The following KCTD19 variants were observed in gnomAD, a reference collection of about 807,000 sequenced individuals.
The protein encoded by KCTD19 is BTB/POZ domain-containing protein KCTD19.
Under a neutral mutation model 103.5 loss-of-function variants are expected in KCTD19, and 67 were observed. The observed-to-expected ratio is 0.65, with a 90% CI of 0.53 to 0.79. KCTD19 has a LOEUF of 0.79. Ranked by LOEUF, KCTD19 falls within the 30% of genes least tolerant of loss-of-function variation. The pLI, the probability that KCTD19 is intolerant of heterozygous loss-of-function variation, is 0.00. For synonymous variants in KCTD19, 439 were observed against 452.2 expected (o/e 0.97, Z 0.37); for missense variants, 980 against 1,136.1 (o/e 0.86, Z 1.98).
At chr16:67,318,332 C>G (rs1009411309) in intron 2 of KCTD19, among the ~76,000 whole-genome samples, 5 of 151,988 alleles carry the variant, frequency 3.3e-5, no homozygotes, top group Admixed American at 6.6e-5. Flanking sequence ...GAGGCCAAGG[C>G]GGGAGGATCG....
chr16:67,325,440 C>T lies in KCTD19; in HGVS notation c.3+1265G>A, dbSNP rs554787979. On this transcript the variant is annotated intron_variant, in intron 1 of 15. Coordinates refer to ENST00000304372, the MANE Select transcript of KCTD19 (RefSeq NM_001100915.3). Reference sequence around the variant, plus strand: ...TGTATTTTTAGTAGAGATGGGGTTTCACTGTGTTAGCCAGGATGGTCTCGA... The same window carrying T: ...TGTATTTTTAGTAGAGATGGGGTTTTACTGTGTTAGCCAGGATGGTCTCGA... Among the ~76,000 whole-genome samples the T allele has an allele frequency of 1.3e-4, 19 of 149,490 alleles. No individual in the cohort carries two copies. In the East Asian group the frequency reaches 3.7e-3, roughly 29 times the overall value.
chr16:67,304,427 A>T lies in KCTD19; in HGVS notation c.445T>A (p.Phe149Ile), dbSNP rs2036869491. Reference protein sequence around the residue: ...PSEFPIKSPAFTGLHDKAPLG... With the variant: ...PSEFPIKSPAITGLHDKAPLG... ...ACAGCCTATCCCAATTCACCTGTAA[A>T]GGCTGGGCTTTTAATTGGAAATTCT... The change falls in exon 3 of 16, where the codon TTT becomes ATT. Residue 149 changes from phenylalanine (F) to isoleucine (I), a missense_variant. Physicochemically the swap from Phe to Ile is conservative, Grantham distance 21. Coordinates refer to ENST00000304372, the MANE Select transcript of KCTD19 (RefSeq NM_001100915.3). 6.2e-7 allele frequency: 1 copy of T among 1,613,924 alleles called. No homozygotes were observed. Among genetic ancestry groups the T allele is most frequent in the Non-Finnish European group, 8.5e-7 (1 of 1,179,846 alleles).
rs527266432 is a variant in KCTD19 at position 67,290,904 on chromosome 16, C to T, written c.2648G>A (p.Arg883His). The change falls in exon 15 of 16, where the codon CGC becomes CAC. Residue 883 changes from arginine (R) to histidine (H), a missense_variant. Arg to His is a conservative substitution (Grantham distance 29). Transcript: ENST00000304372. Reference sequence around the variant, plus strand: ...CCTCACCTCCACCCAGCTGTACAGGCGCTCCTGGGTGTGCCGGTCATCCTT... The same window carrying T: ...CCTCACCTCCACCCAGCTGTACAGGTGCTCCTGGGTGTGCCGGTCATCCTT... Reference protein sequence around the residue: ...GFKDDRHTQERLYSWVELTLP... With the variant: ...GFKDDRHTQEHLYSWVELTLP... 1.5e-5 allele frequency: 24 copies of T among 1,613,562 alleles called. 1 individual carries two copies. In the East Asian group the frequency reaches 1.8e-4, roughly 12 times the overall value.
chr16:67,297,945 C>T (rs957224542), intron 6 of KCTD19, among the ~76,000 whole-genome samples: 3 of 151,978 alleles, frequency 2.0e-5, no homozygotes, highest in Non-Finnish European at 4.4e-5. Context: ...CACCCGCCAC[C>T]ACGCCTGGCT....
chr16:67,316,231 A>G (rs2037012572), intron 2 of KCTD19, among the ~76,000 whole-genome samples: 1 of 150,462 alleles, frequency 6.6e-6, no homozygotes, highest in Admixed American at 6.6e-5. Flanking sequence ...TTTTGTAGAG[A>G]CAGCTTTTGC....
intron 1 of KCTD19, chr16:67,321,773 G>A (rs904426891): frequency 6.6e-6 from 1 of 152,202 alleles, no homozygotes; most frequent in Non-Finnish European, 1.5e-5. Context: ...GGAGGTTCTA[G>A]CTAGGAAGAG....
chr16:67,326,606 G>A (rs760301440), intron 1 of KCTD19, 99 bp downstream of exon 1: 7 of 1,500,056 alleles, frequency 4.7e-6, no homozygotes, highest in Non-Finnish European at 6.2e-6. Context: ...CCATGCCCCA[G>A]AGCCAGGTCT....
intron 2 of KCTD19, chr16:67,305,743 C>A: frequency 3.0e-6 from 1 of 337,996 alleles, no homozygotes; most frequent in Non-Finnish European, 6.0e-6. Flanking sequence ...TTTAAAGGCA[C>A]CAGATCCTCA....
intron 2 of KCTD19, among the ~76,000 whole-genome samples, chr16:67,316,548 CTGAT>C (rs2037015229): frequency 6.6e-6 from 1 of 151,950 alleles, no homozygotes; most frequent in Non-Finnish European, 1.5e-5. Context: ...GTTTAAAAGA[CTGAT>C]TGAATAAACA....
intron 2 of KCTD19, among the ~76,000 whole-genome samples, chr16:67,314,830 T>TATATAGAGAGAG: frequency 3.0e-5 from 1 of 33,652 alleles, no homozygotes; most frequent in Non-Finnish European, 4.4e-5. Context: ...TATATATATA[T>TATATAGAGAGAG]AGAGAGAGAG....
intron 1 of KCTD19, among the ~76,000 whole-genome samples, chr16:67,325,351 T>A (rs755464175): frequency 7.9e-5 from 12 of 151,106 alleles, no homozygotes; most frequent in Non-Finnish European, 1.3e-4. Flanking sequence ...TAGCTGGGAC[T>A]ACAGGCGCCC....
rs1316727637 is a variant in KCTD19, at chr16:67,303,123, C to T, written c.643+23G>A. 1.9e-6 allele frequency: 1 copy of T among 516,536 alleles called. No individual in the cohort carries two copies. Among genetic ancestry groups the T allele is most frequent in the Non-Finnish European group, 3.5e-6 (1 of 282,944 alleles). The allele number at this position is 516,536 out of a possible 1,614,324, so 32.0% of individuals were successfully genotyped here. A position where few individuals can be genotyped will look rare whatever the true frequency, so the allele number is the denominator to read the frequency against. The stretch of plus-strand genomic sequence containing the variant: ...TGGGCCCTATCAGCCCGCCCCCCAC[C>T]CCACCCCGGACAGAGCAATCACCAA... On this transcript the variant is annotated intron_variant, in intron 4 of 15. Coordinates refer to ENST00000304372, the MANE Select transcript of KCTD19 (RefSeq NM_001100915.3). The surrounding 1 kb of genome is among the most constrained non-coding windows in gnomAD (Gnocchi z 4.3).
In KCTD19 at chr16:67,322,318, G is replaced by T. The variant is rs1192605131; in HGVS notation, c.4-1433C>A. ...AAAATCTTTTTTTTTTTTTTTTTGA[G>T]ACGGAGTCTCGCTGTATCACCCAGC... On this transcript the variant is annotated intron_variant, in intron 1 of 15. Transcript: ENST00000304372. Among the ~76,000 whole-genome samples, 7 of 140,070 alleles carry T rather than the reference G, an allele frequency of 5.0e-5. No individual in the cohort carries two copies. In the East Asian group the frequency reaches 1.4e-3, roughly 29 times the overall value. 91.9% of individuals were successfully genotyped at this position (140,070 alleles called of 152,430 possible).
intron 8 of KCTD19, 99 bp from the exon 9 acceptor site, chr16:67,295,504 C>G: frequency 8.6e-7 from 1 of 1,166,412 alleles, no homozygotes; most frequent in Non-Finnish European, 1.2e-6. Context: ...TACACTAGAG[C>G]AGAGGCTTTG....
rs747383996 is a variant in KCTD19 at position 67,297,681 on chromosome 16, C to G, written c.987-18G>C. ...GCCAGTTCCTGCCCAGAGGAAAGGT[C>G]TGTCATGAAGAACATCAGCATTGTA... On this transcript the variant is annotated intron_variant, in intron 6 of 15. Coordinates refer to ENST00000304372, the MANE Select transcript of KCTD19 (RefSeq NM_001100915.3). The G allele has an allele frequency of 1.9e-6, 3 of 1,612,304 alleles. No individual in the cohort carries two copies. Among genetic ancestry groups the G allele is most frequent in the South Asian group, 1.1e-5 (1 of 90,922 alleles).
chr16:67,319,211 G>A (rs932976002), intron 2 of KCTD19, among the ~76,000 whole-genome samples: 12 of 148,076 alleles, frequency 8.1e-5, no homozygotes, highest in African/African-American at 2.7e-4. Context: ...TAACAAGAGC[G>A]AAATTCCATC....
chr16:67,311,928 C>G (rs1461990706), intron 2 of KCTD19, among the ~76,000 whole-genome samples: 1 of 152,168 alleles, frequency 6.6e-6, no homozygotes, highest in African/African-American at 2.4e-5. Context: ...CATCCTCTTC[C>G]TTTCCAAGAT....
chr16:67,304,333 T>C, intron 3 of KCTD19, 88 bp downstream of exon 3: 1 of 1,322,774 alleles, frequency 7.6e-7, no homozygotes, highest in Non-Finnish European at 1.1e-6. Context: ...AGGCACTCTC[T>C]GCTCTCTGGA....
At position 67,290,167 on chromosome 16, in the gene KCTD19, C is replaced by CTT. The variant is rs11296444; in HGVS notation, c.2668-487_2668-486dup. 8.1e-4 allele frequency among the ~76,000 whole-genome samples: 56 copies of CTT among 69,294 alleles called. 1 individual carries two copies. Among genetic ancestry groups the CTT allele is most frequent in the South Asian group, 1.4e-3 (2 of 1,414 alleles). 45.5% of individuals were successfully genotyped at this position (69,294 alleles called of 152,430 possible). On this transcript the variant is annotated intron_variant, in intron 15 of 15. Transcript: ENST00000304372. ...TTCCTTTGCCCTTACTGAATATTTT[C>CTT]TTTTTTTTTTTTTTTTTTTTTTTTT...
Sources: allele counts gnomAD v4.1 joint callset (sites outside exome capture counted in the v4.1 genomes callset), GRCh38; gene constraint gnomAD v4.1.1; non-coding constraint Gnocchi (gnomAD v3.1); transcripts MANE v1.5; gene names NCBI Gene and HGNC (gene_info 2026-07-23, HGNC 2026-07-21).